The following RFC2 variants were observed in gnomAD, a reference collection of about 807,000 sequenced individuals.
RFC2 encodes A1 40 kDa subunit.
A neutral mutation model predicts 44.8 loss-of-function variants in RFC2; 34 were observed. The ratio of observed to expected loss-of-function variants is 0.76; its 90% CI spans 0.58 to 1.01. RFC2 has a LOEUF of 1.01. Among genes scored for constraint, RFC2 ranks in the 50% least tolerant of loss-of-function variants. RFC2 has a pLI of 0.00. For missense variants in RFC2, 400 were observed against 453.6 expected, an observed-to-expected ratio of 0.88 and a Z score of 1.07; for synonymous variants, 177 against 168.9, an observed-to-expected ratio of 1.05 and a Z score of -0.37.
intron 10 of RFC2, 90 bp downstream of exon 10, chr7:74,235,441 CA>C: frequency 2.3e-6 from 2 of 853,480 alleles, no homozygotes; most frequent in Non-Finnish European, 4.1e-6. Flanking sequence ...CTCGGCCTCC[CA>C]AAGTGCTGGG....
intron 10 of RFC2, among the ~76,000 whole-genome samples, chr7:74,232,842 G>T (rs1050025569): frequency 6.6e-6 from 1 of 152,094 alleles, no homozygotes; most frequent in Non-Finnish European, 1.5e-5. Flanking sequence ...TCCAGCCTGG[G>T]CAACAGAGCA....
At chr7:74,252,574 T>C in intron 1 of RFC2, 76 bp from the exon 2 acceptor site, 1 of 846,376 alleles carries the variant, frequency 1.2e-6, no homozygotes, top group South Asian at 1.4e-5. Context: ...AGGGTTATCC[T>C]GAGAGCTTTG....
At chr7:74,246,559 T>C (rs1164825073) in intron 5 of RFC2, 103 bp downstream of exon 5, 2 of 679,556 alleles carry the variant, frequency 2.9e-6, no homozygotes, top group Non-Finnish European at 5.1e-6. Context: ...GTGGAAGATA[T>C]GATAAGCAAA....
intron 8 of RFC2, 47 bp from the exon 9 acceptor site, chr7:74,237,489 G>T: frequency 1.5e-6 from 2 of 1,348,576 alleles, no homozygotes; most frequent in Non-Finnish European, 2.0e-6. Context: ...AAGGGACAAT[G>T]TGAGCGGGGA....
chr7:74,244,688 C>T (rs1803503305), intron 5 of RFC2, among the ~76,000 whole-genome samples: 1 of 151,360 alleles, frequency 6.6e-6, no homozygotes, highest in Non-Finnish European at 1.5e-5. Context: ...ATTTATTTCG[C>T]CAGGCACAGC....
chr7:74,251,901 T>G (rs1374692390), intron 2 of RFC2, among the ~76,000 whole-genome samples: 1 of 131,072 alleles, frequency 7.6e-6, no homozygotes, highest in South Asian at 2.6e-4. Context: ...ATCGAGACCA[T>G]CCTGGCTAAC....
rs782303763 is a variant in RFC2, at chr7:74,249,125, A to G, written c.226-7T>C. 1 of 1,611,396 alleles carries G rather than the reference A, an allele frequency of 6.2e-7. No individual in the cohort carries two copies. Among genetic ancestry groups the G allele is most frequent in the Non-Finnish European group, 8.5e-7 (1 of 1,177,932 alleles). On this transcript the variant is annotated splice_region_variant and splice_polypyrimidine_tract_variant and intron_variant, in intron 3 of 10. Coordinates refer to ENST00000055077, the MANE Select transcript of RFC2 (RefSeq NM_181471.3). ...TGCCGGTTCCTGGAGGGCCCTGGGA[A>G]TGAGATCTCCAGTAAAGACTTCAAA...
At chr7:74,234,747 G>A (rs561646784) in intron 10 of RFC2, among the ~76,000 whole-genome samples, 67 of 152,106 alleles carry the variant, frequency 4.4e-4, no homozygotes, top group East Asian at 1.7e-3. Context: ...ACCTCCCTCC[G>A]TTCTCAACAG....
Position 74,240,065 on chromosome 7 carries a change from C to T in RFC2, c.566G>A (p.Arg189Gln), listed in dbSNP as rs1803240786. The T allele has an allele frequency of 5.0e-6, 8 of 1,613,896 alleles. No homozygotes were observed. Among genetic ancestry groups the T allele is most frequent in the African/African-American group, 2.7e-5 (2 of 74,884 alleles). ...EPIQSRCAVL[R>Q]YTKLTDAQIL... ...CTGGGCGTCGGTCAGCTTTGTGTAC[C>T]GGAGGACTGCACAGCGGGACTGAAT... Residue 189 changes from arginine to glutamine, a missense_variant, in exon 7 of 11, where the codon CGG (arginine) becomes CAG (glutamine). Arg to Gln is a conservative substitution (Grantham distance 43). Coordinates refer to ENST00000055077, the MANE Select transcript of RFC2 (RefSeq NM_181471.3).
chr7:74,243,151 A>T lies in RFC2; in HGVS notation c.530T>A (p.Ile177Asn). The change falls in exon 6 of 11, where the codon ATC (isoleucine) becomes AAC (asparagine). Residue 177 changes from isoleucine (I) to asparagine (N), a missense_variant. Coordinates refer to ENST00000055077, the MANE Select transcript of RFC2 (RefSeq NM_181471.3). Reference protein sequence around the residue: ...FALACNASDKIIEPIQSRCAV... With the variant: ...FALACNASDKNIEPIQSRCAV... Reference sequence around the variant, plus strand: ...CACCGAAAGCTCCCACTCACCGATGATCTTATCCGAAGCATTACAAGCAAG... The same window carrying T: ...CACCGAAAGCTCCCACTCACCGATGTTCTTATCCGAAGCATTACAAGCAAG... 1 of 1,610,444 alleles carries T rather than the reference A, an allele frequency of 6.2e-7. No individual in the cohort carries two copies. The highest frequency in any genetic ancestry group is 8.5e-7 in the Non-Finnish European group (1 of 1,176,708).
chr7:74,237,093 A>G (rs1345412868), intron 9 of RFC2, among the ~76,000 whole-genome samples: 4 of 151,982 alleles, frequency 2.6e-5, no homozygotes, highest in African/African-American at 9.7e-5. Flanking sequence ...TCCTAGACAG[A>G]TTAACACATA....
At chr7:74,247,414 G>A (rs1803680832) in intron 4 of RFC2, among the ~76,000 whole-genome samples, 1 of 152,174 alleles carries the variant, frequency 6.6e-6, no homozygotes, top group Non-Finnish European at 1.5e-5. Context: ...AGGCCAAGGT[G>A]GGCGGACCAC....
chr7:74,235,961 T>A (rs1013467280), intron 9 of RFC2, among the ~76,000 whole-genome samples: 5 of 152,216 alleles, frequency 3.3e-5, no homozygotes, highest in African/African-American at 1.2e-4. Context: ...GCCCAGCCTA[T>A]CGCAAATGTG....
At chr7:74,236,767 C>A (rs550824478) in intron 9 of RFC2, among the ~76,000 whole-genome samples, 118 of 152,214 alleles carry the variant, frequency 7.8e-4, no homozygotes, top group African/African-American at 2.6e-3. Context: ...AGGAGAAAAA[C>A]ACCATTTTGA....
chr7:74,253,428 G>A (rs1300257176), intron 1 of RFC2, among the ~76,000 whole-genome samples: 12 of 152,024 alleles, frequency 7.9e-5, no homozygotes, highest in African/African-American at 2.9e-4. Flanking sequence ...TAGCTGGCTA[G>A]ACACCGTAGG....
At chr7:74,246,792 C>A (rs782184285) in intron 4 of RFC2, 29 bp from the exon 5 acceptor site, 9 of 1,432,824 alleles carry the variant, frequency 6.3e-6, no homozygotes, top group Non-Finnish European at 8.8e-6. Context: ...TTTACTGGCA[C>A]CTTCTGAGAC....
intron 6 of RFC2, among the ~76,000 whole-genome samples, chr7:74,242,613 C>T (rs1428631834): frequency 6.6e-6 from 1 of 151,818 alleles, no homozygotes; most frequent in Non-Finnish European, 1.5e-5. Context: ...CCTACTCTTC[C>T]AGCGCTAAAG....
In RFC2 at chr7:74,232,236, C is replaced by T; in HGVS notation, c.955-20G>A. ...AATTTCCTGAAAAACAAACCAAATT[C>T]AAATCTGGTTAATAAGTGGGGGAGT... is the stretch of plus-strand genomic sequence containing the variant. On this transcript the variant is annotated intron_variant, in intron 10 of 10. Transcript: ENST00000055077. 3.0e-6 allele frequency: 4 copies of T among 1,352,790 alleles called. No individual in the cohort carries two copies. Among genetic ancestry groups the T allele is most frequent in the Non-Finnish European group, 3.2e-6 (3 of 943,206 alleles). 83.8% of individuals were successfully genotyped at this position (1,352,790 alleles called of 1,614,324 possible).
At position 74,248,559 on chromosome 7, in the gene RFC2, C is replaced by T. The variant is rs141961652; in HGVS notation, c.332+453G>A. Among the ~76,000 whole-genome samples, 157 of 151,238 alleles carry T rather than the reference C, an allele frequency of 1.0e-3. 1 individual carries two copies. Among genetic ancestry groups the T allele is most frequent in the Middle Eastern group, 3.4e-3 (1 of 292 alleles). On this transcript the variant is annotated intron_variant, in intron 4 of 10. Coordinates refer to ENST00000055077, the MANE Select transcript of RFC2 (RefSeq NM_181471.3). ...TCGTCACCCAGGCTGGAGTGCTCAA[C>T]GGTGCGATCTCAGCTCACTGTAACC...
Sources: allele counts gnomAD v4.1 joint callset (sites outside exome capture counted in the v4.1 genomes callset), GRCh38; gene constraint gnomAD v4.1.1; transcripts MANE v1.5; gene names NCBI Gene and HGNC (gene_info 2026-07-23, HGNC 2026-07-21).